SORCS2: variants seen among roughly 807,000 people sequenced by gnomAD.
SORCS2 encodes the protein sortilin related VPS10 domain containing receptor 2.
A neutral mutation model predicts 141.6 loss-of-function variants in SORCS2; 100 were observed. The ratio of observed to expected loss-of-function variants is 0.71; its 90% CI spans 0.60 to 0.83. SORCS2 has a LOEUF of 0.83. SORCS2 is among the 40% of genes least tolerant of loss of function. SORCS2 has a pLI of 0.00. For synonymous variants in SORCS2, 789 were observed against 676.9 expected (o/e 1.17, Z -2.57); for missense variants, 1,646 against 1,560.2 (o/e 1.05, Z -0.93).
intron 25 of SORCS2, among the ~76,000 whole-genome samples, chr4:7,735,913 C>T (rs1414421476): frequency 6.6e-6 from 1 of 152,084 alleles, no homozygotes; most frequent in Non-Finnish European, 1.5e-5. Context: ...CGAGCCCAGG[C>T]TTTCAGGTCC....
At chr4:7,397,807 G>T (rs1724313719) in intron 2 of SORCS2, among the ~76,000 whole-genome samples, 1 of 152,224 alleles carries the variant, frequency 6.6e-6, no homozygotes, top group Non-Finnish European at 1.5e-5. Flanking sequence ...TCACTGCTGG[G>T]CAGAGGGTCT....
intron 2 of SORCS2, among the ~76,000 whole-genome samples, chr4:7,443,804 C>T (rs1727828350): frequency 6.6e-6 from 1 of 152,244 alleles, no homozygotes. Context: ...GCCTGGCCTC[C>T]TCGTTCCTGA....
chr4:7,455,168 G>GCAC (rs1728805919), intron 2 of SORCS2, among the ~76,000 whole-genome samples: 1 of 23,602 alleles, frequency 4.2e-5, no homozygotes, highest in Non-Finnish European at 8.9e-5. Flanking sequence ...TTGGGGTCAG[G>GCAC]TGCTGTGTGT....
chr4:7,439,684 C>G (rs1338303289), intron 2 of SORCS2, among the ~76,000 whole-genome samples: 1 of 152,178 alleles, frequency 6.6e-6, no homozygotes, highest in Admixed American at 6.5e-5. Flanking sequence ...GCCTCTTTCG[C>G]TTGATGTTAT....
intron 3 of SORCS2, among the ~76,000 whole-genome samples, chr4:7,621,675 A>G (rs1471425706): frequency 6.6e-6 from 1 of 152,196 alleles, no homozygotes; most frequent in African/African-American, 2.4e-5. Flanking sequence ...ACATGAAAAC[A>G]CTTTTGCTGA....
chr4:7,234,641 G>C (rs1281302169), intron 1 of SORCS2, among the ~76,000 whole-genome samples: 2 of 152,178 alleles, frequency 1.3e-5, no homozygotes, highest in Admixed American at 1.3e-4. Flanking sequence ...CGGCCTCCCT[G>C]GCCATTGTCC....
At chr4:7,321,036 C>G (rs1718865016) in intron 1 of SORCS2, among the ~76,000 whole-genome samples, 1 of 152,064 alleles carries the variant, frequency 6.6e-6, no homozygotes, top group African/African-American at 2.4e-5. Flanking sequence ...ATCAGCACCC[C>G]TCACCTGAGC....
At chr4:7,523,671 C>T (rs1733481627) in intron 2 of SORCS2, among the ~76,000 whole-genome samples, 1 of 152,170 alleles carries the variant, frequency 6.6e-6, no homozygotes, top group Admixed American at 6.5e-5. Context: ...CACACTGACC[C>T]TGCTGACCGG....
At position 7,740,441 on chromosome 4, in the gene SORCS2, GC is replaced by G; in HGVS notation, c.*180del. On this transcript the variant is annotated 3_prime_UTR_variant, in exon 27 of 27. Transcript: ENST00000507866. ...CCAAGCCCGCCCAGGCCCACGGGGG[GC>G]CCACGGGACCCCCCGGGACTCCCCG... The G allele has an allele frequency of 1.6e-6, 1 of 616,738 alleles. No homozygotes were observed. Among genetic ancestry groups the G allele is most frequent in the Non-Finnish European group, 2.9e-6 (1 of 349,120 alleles). 38.2% of individuals were successfully genotyped at this position (616,738 alleles called of 1,614,324 possible).
intron 2 of SORCS2, among the ~76,000 whole-genome samples, chr4:7,422,880 GAGGTCCATGCAGCCTCC>G: frequency 6.6e-6 from 1 of 152,296 alleles, no homozygotes; most frequent in East Asian, 1.9e-4. Flanking sequence ...AGCACACCCG[GAGGTCCATGCAGCCTCC>G]AGGGCACCCC....
In SORCS2 at chr4:7,573,330, T is replaced by C. The variant is rs576526806; in HGVS notation, c.648+41701T>C. ...GCCACTCCAGAGACATCCCTTTGCATACAAATGTTGACAGGTCCCAGTGGC... is the reference window on the plus strand; with the variant it reads ...GCCACTCCAGAGACATCCCTTTGCACACAAATGTTGACAGGTCCCAGTGGC... On this transcript the variant is annotated intron_variant, in intron 3 of 26. Transcript: ENST00000507866. Among the ~76,000 whole-genome samples the C allele has an allele frequency of 2.0e-5, 3 of 152,336 alleles. No homozygotes were observed. In the South Asian group the frequency reaches 6.2e-4, roughly 32 times the overall value.
intron 1 of SORCS2, among the ~76,000 whole-genome samples, chr4:7,357,137 C>T (rs912855550): frequency 3.0e-4 from 46 of 152,282 alleles, no homozygotes; most frequent in African/African-American, 9.1e-4. Context: ...GGTGCAGCCA[C>T]ACTTCCTCCT....
rs1170552336 is a variant in SORCS2 at position 7,664,563 on chromosome 4, G to T, written c.1071+92G>T. 8 of 856,170 alleles carry T rather than the reference G, an allele frequency of 9.3e-6. No individual in the cohort carries two copies. In the South Asian group the frequency reaches 1.4e-4, roughly 15 times the overall value. 53.0% of individuals were successfully genotyped at this position (856,170 alleles called of 1,614,324 possible). ...AAAAATGGCATCGCTCAGAAAAGAGGCAATAAAACGGGTATTTCACTCTCA... is the reference window on the plus strand; with the variant it reads ...AAAAATGGCATCGCTCAGAAAAGAGTCAATAAAACGGGTATTTCACTCTCA... On this transcript the variant is annotated intron_variant, in intron 7 of 26. Coordinates refer to ENST00000507866, the MANE Select transcript of SORCS2 (RefSeq NM_020777.3). The surrounding 1 kb of genome is among the most constrained non-coding windows in gnomAD (Gnocchi z 4.7).
intron 1 of SORCS2, among the ~76,000 whole-genome samples, chr4:7,270,165 G>A (rs1049507545): frequency 1.3e-5 from 2 of 152,270 alleles, no homozygotes; most frequent in South Asian, 4.1e-4. Context: ...ACAGGCATGA[G>A]CCACCGTGCC....
intron 21 of SORCS2, 86 bp from the exon 22 acceptor site, chr4:7,728,264 A>G (rs930280966): frequency 3.3e-6 from 3 of 904,016 alleles, no homozygotes; most frequent in Non-Finnish European, 5.2e-6. Context: ...CATCCAGGGC[A>G]TGTGGCTGCC....
intron 1 of SORCS2, among the ~76,000 whole-genome samples, chr4:7,325,366 G>A (rs909823517): frequency 3.9e-5 from 6 of 152,318 alleles, no homozygotes; most frequent in Admixed American, 6.5e-5. Flanking sequence ...CCTACCTCCC[G>A]TGGTGCCCAG....
intron 3 of SORCS2, among the ~76,000 whole-genome samples, chr4:7,554,703 C>A (rs1245691067): frequency 6.6e-6 from 1 of 152,096 alleles, no homozygotes; most frequent in East Asian, 1.9e-4. Context: ...AAGAGGAGTG[C>A]CAGGATTGAG....
chr4:7,214,874 C>T lies in SORCS2; in HGVS notation c.480+21748C>T, dbSNP rs138248219. Among the ~76,000 whole-genome samples the T allele has an allele frequency of 4.7e-3, 718 of 152,288 alleles. 7 individuals are homozygous for T. Among genetic ancestry groups the T allele is most frequent in the African/African-American group, 0.017 (695 of 41,570 alleles). ...TTCCAGGCTGTAGGTCTGTTCTGCTCATGGACTTGAGGGACAGTGGGGTTG... is the reference window on the plus strand; with the variant it reads ...TTCCAGGCTGTAGGTCTGTTCTGCTTATGGACTTGAGGGACAGTGGGGTTG... On this transcript the variant is annotated intron_variant, in intron 1 of 26. Coordinates refer to ENST00000507866, the MANE Select transcript of SORCS2 (RefSeq NM_020777.3).
At chr4:7,677,313 G>A (rs1029614131) in intron 9 of SORCS2, among the ~76,000 whole-genome samples, 4 of 152,174 alleles carry the variant, frequency 2.6e-5, no homozygotes, top group Admixed American at 6.5e-5. Flanking sequence ...GCCCCGCCCC[G>A]GCCAGGCCGC....
Sources: allele counts gnomAD v4.1 joint callset (sites outside exome capture counted in the v4.1 genomes callset), GRCh38; gene constraint gnomAD v4.1.1; non-coding constraint Gnocchi (gnomAD v3.1); transcripts MANE v1.5; gene names NCBI Gene and HGNC (gene_info 2026-07-23, HGNC 2026-07-21).